TGFBI: variants seen among roughly 807,000 people sequenced by gnomAD.
The protein encoded by TGFBI is transforming growth factor beta induced.
TGFBI carries 50 observed loss-of-function variants against 73.7 expected under a neutral mutation model. The observed-to-expected ratio is 0.68, with a 90% CI of 0.54 to 0.86. The LOEUF (loss-of-function observed/expected upper bound fraction) is 0.86. Among genes scored for constraint, TGFBI ranks in the 40% least tolerant of loss-of-function variants. The pLI is 0.00. For synonymous variants in TGFBI, 362 were observed against 360.5 expected, an observed-to-expected ratio of 1.00 and a Z score of -0.05; for missense variants, 839 against 877.0, an observed-to-expected ratio of 0.96 and a Z score of 0.55.
intron 8 of TGFBI, 134 bp downstream of exon 8, chr5:136,053,253 C>A: frequency 1.3e-6 from 1 of 793,154 alleles, no homozygotes; most frequent in Non-Finnish European, 2.0e-6. Flanking sequence ...GCTTCTCGGC[C>A]ACTGCAAATG....
intron 1 of TGFBI, among the ~76,000 whole-genome samples, chr5:136,033,320 G>T (rs894631979): frequency 1.3e-5 from 2 of 152,078 alleles, no homozygotes; most frequent in African/African-American, 2.4e-5. Context: ...CCCCTATCAG[G>T]GTCCTGAGAG....
chr5:136,054,675 G>A (rs1561613289), intron 9 of TGFBI, 41 bp from the exon 10 acceptor site: 1 of 1,613,236 alleles, frequency 6.2e-7, no homozygotes. Context: ...TTCATTGCAG[G>A]AGCACATCTC....
intron 4 of TGFBI, 53 bp from the exon 5 acceptor site, chr5:136,046,798 C>A (rs750325473): frequency 9.3e-5 from 146 of 1,569,388 alleles, no homozygotes; most frequent in Non-Finnish European, 1.2e-4. Context: ...AAGGACCCAT[C>A]TCTTAAACAC....
At chr5:136,050,188 C>A (rs201110911) in intron 7 of TGFBI, among the ~76,000 whole-genome samples, 36 of 152,216 alleles carry the variant, frequency 2.4e-4, no homozygotes, top group African/African-American at 8.7e-4. Context: ...CAAAAATTAG[C>A]TGGGCATGGT....
Position 136,054,764 on chromosome 5 carries a change from A to G in TGFBI, c.1313A>G (p.His438Arg). Residue 438 changes from histidine (H) to arginine (R), a missense_variant, in exon 10 of 17, where the codon CAC becomes CGC. His to Arg is a conservative substitution (Grantham distance 29, BLOSUM62 0). Transcript: ENST00000442011. ...CATACAAGGAATTTGCTTCGGAACC[A>G]CATAATTAAAGACCAGCTGGCCTCT... ...DAHTRNLLRN[H>R]IIKDQLASKY... The G allele has an allele frequency of 6.2e-7, 1 of 1,613,952 alleles. No individual in the cohort carries two copies. Among genetic ancestry groups the G allele is most frequent in the Non-Finnish European group, 8.5e-7 (1 of 1,179,880 alleles).
chr5:136,056,722 A>C lies in TGFBI; in HGVS notation c.1605A>C (p.Gly535=). The change falls in exon 12 of 17, where the codon GGA becomes GGC. Residue 535 remains glycine (G), a synonymous_variant. Coordinates refer to ENST00000442011, the MANE Select transcript of TGFBI (RefSeq NM_000358.3). The part of the protein sequence containing the change: ...AGLTETLNRE[G]VYTVFAPTNE... ...TGACGGAGACCCTCAACCGGGAAGG[A>C]GTCTACACAGTCTTTGCTCCCACAA... The C allele has an allele frequency of 6.2e-7, 1 of 1,613,808 alleles. No homozygotes were observed. Among genetic ancestry groups the C allele is most frequent in the Non-Finnish European group, 8.5e-7 (1 of 1,179,854 alleles).
intron 7 of TGFBI, 92 bp downstream of exon 7, chr5:136,049,672 C>T: frequency 6.9e-7 from 1 of 1,447,320 alleles, no homozygotes; most frequent in South Asian, 1.3e-5. Flanking sequence ...TACCACCTGC[C>T]ATGAGGTGAC....
intron 13 of TGFBI, among the ~76,000 whole-genome samples, chr5:136,059,430 A>C (rs1207229702): frequency 6.6e-6 from 1 of 152,228 alleles, no homozygotes; most frequent in Non-Finnish European, 1.5e-5. Context: ...TTCCAGATTT[A>C]CAAGGGAATA....
chr5:136,058,513 G>A (rs751107658), intron 12 of TGFBI, among the ~76,000 whole-genome samples: 7 of 152,144 alleles, frequency 4.6e-5, no homozygotes, highest in East Asian at 1.9e-4. Flanking sequence ...GAGATGCTGC[G>A]GAGGGAATAT....
In TGFBI at chr5:136,056,921, A is replaced by C. The variant is rs931145287; in HGVS notation, c.1678+126A>C. ...ATTTTATGACAAGACTATTAGTGAA[A>C]GAGTGGGCGGGACTAAAGGAACTAG... On this transcript the variant is annotated intron_variant, in intron 12 of 16. Coordinates refer to ENST00000442011, the MANE Select transcript of TGFBI (RefSeq NM_000358.3). 9 of 1,271,688 alleles carry C rather than the reference A, an allele frequency of 7.1e-6. No homozygotes were observed. The South Asian group carries it at 1.2e-4, about 17-fold the overall frequency. 78.8% of individuals were successfully genotyped at this position (1,271,688 alleles called of 1,614,324 possible). A position where few individuals can be genotyped will look rare whatever the true frequency, so the allele number is the denominator to read the frequency against.
chr5:136,029,690 G>C (rs1220511148), intron 1 of TGFBI, among the ~76,000 whole-genome samples: 1 of 152,226 alleles, frequency 6.6e-6, no homozygotes, highest in Admixed American at 6.5e-5. Context: ...GCCAGGCCCT[G>C]CACTCAGACA....
At chr5:136,039,006 G>A (rs1359984134) in intron 2 of TGFBI, among the ~76,000 whole-genome samples, 1 of 152,210 alleles carries the variant, frequency 6.6e-6, no homozygotes, top group Non-Finnish European at 1.5e-5. Context: ...GCAATGGGAA[G>A]CCAACACAGG....
chr5:136,039,767 G>T (rs1751296805), intron 2 of TGFBI, among the ~76,000 whole-genome samples: 1 of 152,212 alleles, frequency 6.6e-6, no homozygotes, highest in Non-Finnish European at 1.5e-5. Flanking sequence ...TAGTGGTTGA[G>T]GCCTTTGTTG....
At chr5:136,048,536 A>G (rs942321533) in intron 6 of TGFBI, 4 of 152,418 alleles carry the variant, frequency 2.6e-5, no homozygotes, top group South Asian at 4.1e-4. Flanking sequence ...GACAACAAAC[A>G]AATCAACAAG....
At chr5:136,061,692 T>A in intron 15 of TGFBI, 113 bp downstream of exon 15, 1 of 871,068 alleles carries the variant, frequency 1.1e-6, no homozygotes, top group Non-Finnish European at 1.9e-6. Flanking sequence ...AGGGCTCTCT[T>A]AAAACTTCTC....
chr5:136,059,129 T>C lies in TGFBI; in HGVS notation c.1718T>C (p.Ile573Thr), dbSNP rs779132788. The C allele has an allele frequency of 7.4e-6, 12 of 1,611,728 alleles. No individual in the cohort carries two copies. The highest frequency in any genetic ancestry group is 9.3e-6 in the Non-Finnish European group (11 of 1,179,162). Residue 573 changes from isoleucine to threonine, a missense_variant, in exon 13 of 17, where the codon ATT becomes ACT. Transcript: ENST00000442011. ...KELANILKYH[I>T]GDEILVSGGI... ...CTTGCCAACATCCTGAAATACCACATTGGTGATGAAATCCTGGTTAGCGGA... is the reference window on the plus strand; with the variant it reads ...CTTGCCAACATCCTGAAATACCACACTGGTGATGAAATCCTGGTTAGCGGA...
Position 136,053,043 on chromosome 5 carries a change from G to A in TGFBI, c.1050G>A (p.Ala350=), listed in dbSNP as rs374082690. ...ACATGCTCACTATCAACGGGAAGGC[G>A]ATCATCTCCAATAAAGACATCCTAG... ...SGDMLTINGK[A]IISNKDILAT... is the part of the protein sequence containing the mutation. Residue 350 remains alanine (A), a synonymous_variant, in exon 8 of 17, where the codon GCG becomes GCA. Coordinates refer to ENST00000442011, the MANE Select transcript of TGFBI (RefSeq NM_000358.3). The A allele has an allele frequency of 2.5e-5, 40 of 1,613,950 alleles. No homozygotes were observed. Among genetic ancestry groups the A allele is most frequent in the Non-Finnish European group, 3.2e-5 (38 of 1,179,914 alleles).
intron 3 of TGFBI, 141 bp downstream of exon 3, chr5:136,044,263 C>T: frequency 2.7e-6 from 2 of 729,050 alleles, no homozygotes; most frequent in Non-Finnish European, 4.7e-6. Context: ...TGCCCACTGG[C>T]CCCAGGCTCT....
At chr5:136,035,207 A>G (rs1044850551) in intron 2 of TGFBI, among the ~76,000 whole-genome samples, 1 of 152,238 alleles carries the variant, frequency 6.6e-6, no homozygotes, top group African/African-American at 2.4e-5. Context: ...TGAGTGAGCT[A>G]GGAGGACACA....
Sources: allele counts gnomAD v4.1 joint callset (sites outside exome capture counted in the v4.1 genomes callset), GRCh38; gene constraint gnomAD v4.1.1; transcripts MANE v1.5; gene names NCBI Gene and HGNC (gene_info 2026-07-23, HGNC 2026-07-21).